MINDY1: variants seen among roughly 807,000 people sequenced by gnomAD.
The protein encoded by MINDY1 is MINDY lysine 48 deubiquitinase 1.
Under a neutral mutation model 53.6 loss-of-function variants are expected in MINDY1, and 50 were observed. That is an observed-to-expected ratio of 0.93 (90% CI 0.74 to 1.18). MINDY1 has a LOEUF of 1.18. MINDY1 is among the 50% of genes most tolerant of loss of function. MINDY1 has a pLI of 0.00. For synonymous variants in MINDY1, 231 were observed against 234.7 expected, an observed-to-expected ratio of 0.98 and a Z score of 0.14; for missense variants, 484 against 578.6, an observed-to-expected ratio of 0.84 and a Z score of 1.68.
chr1:151,006,384 T>C lies in MINDY1; in HGVS notation c.-162A>G. On this transcript the variant is annotated 5_prime_UTR_variant, in exon 1 of 10. Transcript: ENST00000683666. ...GTGGCAATGAGATGGGGGAGATAGG[T>C]GCAATGAAGGGGGCTGCCAGTGCCA... is the stretch of plus-strand genomic sequence containing the variant. The C allele has an allele frequency of 7.3e-7, 1 of 1,368,700 alleles. No individual in the cohort carries two copies. The highest frequency in any genetic ancestry group is 9.4e-7 in the Non-Finnish European group (1 of 1,059,626). The allele number at this position is 1,368,700 out of a possible 1,614,324, so 84.8% of individuals were successfully genotyped here.
At chr1:151,000,028 G>T (rs972947883) in intron 5 of MINDY1, 64 bp from the exon 6 acceptor site, 34 of 1,230,208 alleles carry the variant, frequency 2.8e-5, no homozygotes, top group Non-Finnish European at 3.9e-5. Flanking sequence ...TTTTAAGGAA[G>T]GAAATGAACA....
At chr1:150,997,503 G>T in intron 9 of MINDY1, 121 bp downstream of exon 9, 1 of 1,562,230 alleles carries the variant, frequency 6.4e-7, no homozygotes, top group Non-Finnish European at 8.7e-7. Context: ...AGAGGGACAG[G>T]CAGGGGAAGG....
intron 1 of MINDY1, among the ~76,000 whole-genome samples, chr1:151,005,507 T>A (rs1253286251): frequency 6.6e-6 from 1 of 151,746 alleles, no homozygotes; most frequent in Non-Finnish European, 1.5e-5. Flanking sequence ...CCTTATTTTT[T>A]ATATTTTCTC....
intron 5 of MINDY1, 119 bp from the exon 6 acceptor site, chr1:151,000,083 C>CA: frequency 3.7e-6 from 2 of 544,398 alleles, no homozygotes. Flanking sequence ...TTCCTAAACA[C>CA]TTTTTTTTTT....
Position 150,999,479 on chromosome 1 carries a change from C to A in MINDY1, c.871G>T (p.Ala291Ser). 1 of 1,614,094 alleles carries A rather than the reference C, an allele frequency of 6.2e-7. No homozygotes were observed. The highest frequency in any genetic ancestry group is 8.5e-7 in the Non-Finnish European group (1 of 1,180,016). Reference sequence around the variant, plus strand: ...AGTCCGTGGTAGGTCAGCTGGGCCGCGGTGGTCTCCAGGAACTGCTCTGCA... The same window carrying A: ...AGTCCGTGGTAGGTCAGCTGGGCCGAGGTGGTCTCCAGGAACTGCTCTGCA... ...LIAEQFLETT[A>S]AQLTYHGLCE... Residue 291 changes from alanine to serine, a missense_variant, in exon 7 of 10, where the codon GCG becomes TCG. Ala to Ser is a moderately conservative substitution (Grantham distance 99). Coordinates refer to ENST00000683666, the MANE Select transcript of MINDY1 (RefSeq NM_001376665.1). This position sits in a 1 kb window ranked among gnomAD's most constrained non-coding sequence, Gnocchi z 4.4.
chr1:151,007,381 G>C (rs587692467), upstream of MINDY1, among the ~76,000 whole-genome samples: 1 of 152,316 alleles, frequency 6.6e-6, no homozygotes, highest in African/African-American at 2.4e-5. Flanking sequence ...GCACATGCCT[G>C]TAGTCCCAGC....
At chr1:151,000,061 TG>T in intron 5 of MINDY1, 97 bp from the exon 6 acceptor site, 1 of 843,082 alleles carries the variant, frequency 1.2e-6, no homozygotes, top group East Asian at 2.6e-5. Context: ...ACTACAACCC[TG>T]TGATGAATGG....
chr1:150,997,446 A>G, intron 9 of MINDY1, 79 bp from the exon 10 acceptor site: 1 of 1,546,444 alleles, frequency 6.5e-7, no homozygotes, highest in Non-Finnish European at 8.8e-7. Context: ...GGGTGTCAGG[A>G]TTGGGACAGA....
At chr1:150,997,968 T>C in intron 8 of MINDY1, 114 bp downstream of exon 8, 1 of 1,261,760 alleles carries the variant, frequency 7.9e-7, no homozygotes, top group South Asian at 1.5e-5. Flanking sequence ...CGGTCTGAGG[T>C]AACCCAGAGA....
rs763070356 is a variant in MINDY1, at chr1:151,002,751, C to T, written c.-89-45G>A. 6.6e-7 allele frequency: 1 copy of T among 1,510,290 alleles called. No individual in the cohort carries two copies. The highest frequency in any genetic ancestry group is 1.3e-5 in the South Asian group (1 of 78,048). The allele number at this position is 1,510,290 out of a possible 1,614,324, so 93.6% of individuals were successfully genotyped here. On this transcript the variant is annotated intron_variant, in intron 1 of 9. Coordinates refer to ENST00000683666, the MANE Select transcript of MINDY1 (RefSeq NM_001376665.1). The surrounding 1 kb of genome is among the most constrained non-coding windows in gnomAD (Gnocchi z 4.1). Reference sequence around the variant, plus strand: ...TCAGTGGGCTGGAAAGCAAACTAACCCAGAAAAGTCTTGGAAAAGGAATGT... The same window carrying T: ...TCAGTGGGCTGGAAAGCAAACTAACTCAGAAAAGTCTTGGAAAAGGAATGT...
chr1:151,004,884 A>G (rs1402331127), intron 1 of MINDY1, among the ~76,000 whole-genome samples: 8 of 152,308 alleles, frequency 5.3e-5, no homozygotes, highest in Admixed American at 1.3e-4. Context: ...GGCTAGGGGA[A>G]GGCCTGGGAG....
At chr1:151,005,004 T>C (rs1326603666) in intron 1 of MINDY1, among the ~76,000 whole-genome samples, 1 of 152,186 alleles carries the variant, frequency 6.6e-6, no homozygotes, top group Non-Finnish European at 1.5e-5. Context: ...ATTTACGTGT[T>C]GTTAATTTAG....
At chr1:151,000,414 A>T in intron 5 of MINDY1, 43 bp downstream of exon 5, 1 of 1,536,526 alleles carries the variant, frequency 6.5e-7, no homozygotes, top group Non-Finnish European at 8.7e-7. Context: ...CTCTCATGTC[A>T]GCTTGAGCTG....
In MINDY1 at chr1:150,999,837, T is replaced by C; in HGVS notation, c.838+25A>G. On this transcript the variant is annotated intron_variant, in intron 6 of 9. Transcript: ENST00000683666. This position sits in a 1 kb window ranked among gnomAD's most constrained non-coding sequence, Gnocchi z 4.4. ...TAGCTGTCATTCCCTCCACATACTATCCATGAGAAGGGGAGGAATGTCACC... is the reference window on the plus strand; with the variant it reads ...TAGCTGTCATTCCCTCCACATACTACCCATGAGAAGGGGAGGAATGTCACC... 1 of 1,588,094 alleles carries C rather than the reference T, an allele frequency of 6.3e-7. No individual in the cohort carries two copies. Among genetic ancestry groups the C allele is most frequent in the Non-Finnish European group, 8.6e-7 (1 of 1,156,540 alleles).
chr1:151,002,727 C>A lies in MINDY1; in HGVS notation c.-89-21G>T, dbSNP rs1480091055. On this transcript the variant is annotated intron_variant, in intron 1 of 9. Transcript: ENST00000683666. The surrounding 1 kb of genome is among the most constrained non-coding windows in gnomAD (Gnocchi z 4.1). ...GTGACCTGTCCAATAAGAAGGAAAT[C>A]AGTGGGCTGGAAAGCAAACTAACCC... 1.3e-6 allele frequency: 2 copies of A among 1,552,726 alleles called. No homozygotes were observed. The highest frequency in any genetic ancestry group is 1.7e-6 in the Non-Finnish European group (2 of 1,147,812).
chr1:151,001,060 G>C (rs1009641947), intron 4 of MINDY1, among the ~76,000 whole-genome samples, 190 bp downstream of exon 4: 5 of 152,052 alleles, frequency 3.3e-5, no homozygotes, highest in Non-Finnish European at 4.4e-5. Flanking sequence ...CAAAGTGCTG[G>C]GATTACAGGT....
chr1:150,997,954 G>A, intron 8 of MINDY1, 128 bp downstream of exon 8: 1 of 1,178,260 alleles, frequency 8.5e-7, no homozygotes, highest in Non-Finnish European at 1.2e-6. Context: ...ACCAAGTGAG[G>A]AGACGGTCTG....
Position 151,006,368 on chromosome 1 carries a change from A to C in MINDY1, c.-146T>G, listed in dbSNP as rs1415116856. The C allele has an allele frequency of 1.5e-5, 21 of 1,389,194 alleles. No homozygotes were observed. Among genetic ancestry groups the C allele is most frequent in the Non-Finnish European group, 1.9e-5 (20 of 1,071,728 alleles). 86.1% of individuals were successfully genotyped at this position (1,389,194 alleles called of 1,614,324 possible). ...GAAGGAGGGTTCAGCCGTGGCAATG[A>C]GATGGGGGAGATAGGTGCAATGAAG... On this transcript the variant is annotated 5_prime_UTR_variant, in exon 1 of 10. Coordinates refer to ENST00000683666, the MANE Select transcript of MINDY1 (RefSeq NM_001376665.1).
chr1:151,000,135 A>G (rs2102837549), intron 5 of MINDY1, among the ~76,000 whole-genome samples, 171 bp from the exon 6 acceptor site: 1 of 151,934 alleles, frequency 6.6e-6, no homozygotes, highest in East Asian at 1.9e-4. Flanking sequence ...ACCATTCATC[A>G]TAGGGTTGCT....
Sources: allele counts gnomAD v4.1 joint callset (sites outside exome capture counted in the v4.1 genomes callset), GRCh38; gene constraint gnomAD v4.1.1; non-coding constraint Gnocchi (gnomAD v3.1); transcripts MANE v1.5; gene names NCBI Gene and HGNC (gene_info 2026-07-23, HGNC 2026-07-21).